ARID1B: variants seen among roughly 807,000 people sequenced by gnomAD.
The protein encoded by ARID1B is AT-rich interaction domain 1B.
Under a neutral mutation model 212.3 loss-of-function variants are expected in ARID1B, and 30 were observed. The observed-to-expected ratio is 0.14, with a 90% CI of 0.11 to 0.19. ARID1B has a LOEUF of 0.19. Ranked by LOEUF, ARID1B falls within the 10% of genes least tolerant of loss-of-function variation. ARID1B has a pLI of 1.00. For synonymous variants in ARID1B, 1,402 were observed against 1,301.7 expected, an observed-to-expected ratio of 1.08 and a Z score of -1.66; for missense variants, 2,891 against 3,204.0, an observed-to-expected ratio of 0.90 and a Z score of 2.36.
intron 3 of ARID1B, among the ~76,000 whole-genome samples, chr6:156,909,174 G>A (rs555695129): frequency 2.2e-4 from 29 of 132,180 alleles, no homozygotes; most frequent in Admixed American, 1.6e-3. Context: ...CGCCCAGGCT[G>A]GAGTGCAGTG....
intron 1 of ARID1B, among the ~76,000 whole-genome samples, chr6:156,807,484 G>A (rs1426352114): frequency 6.7e-6 from 1 of 149,936 alleles, no homozygotes; most frequent in Non-Finnish European, 1.5e-5. Flanking sequence ...TTACAGACAT[G>A]TAGTGCATTA....
chr6:157,058,282 T>G (rs112200986), intron 4 of ARID1B, among the ~76,000 whole-genome samples: 25 of 150,534 alleles, frequency 1.7e-4, no homozygotes, highest in African/African-American at 3.0e-4. Flanking sequence ...TTTTTTTTTT[T>G]GAGACGAAGT....
chr6:156,896,788 A>G (rs1050027756), intron 2 of ARID1B, among the ~76,000 whole-genome samples: 1 of 152,098 alleles, frequency 6.6e-6, no homozygotes, highest in Non-Finnish European at 1.5e-5. Context: ...CTGAAGCAGG[A>G]GAATCACTTG....
intron 4 of ARID1B, among the ~76,000 whole-genome samples, chr6:157,050,175 C>T (rs1481439527): frequency 6.6e-6 from 1 of 152,130 alleles, no homozygotes; most frequent in Non-Finnish European, 1.5e-5. Context: ...AAAGGAGCTC[C>T]ACTTTGTATA....
At chr6:157,045,086 T>G (rs1782142821) in intron 4 of ARID1B, among the ~76,000 whole-genome samples, 1 of 152,054 alleles carries the variant, frequency 6.6e-6, no homozygotes, top group Admixed American at 6.5e-5. Flanking sequence ...TCAGGTAGAG[T>G]GCTATAAAGC....
At chr6:157,128,482 G>A (rs991618254) in intron 6 of ARID1B, among the ~76,000 whole-genome samples, 9 of 152,144 alleles carry the variant, frequency 5.9e-5, no homozygotes, top group African/African-American at 2.2e-4. Flanking sequence ...CCAGGAGTTC[G>A]AGACCAGCCT....
At position 156,777,901 on chromosome 6, in the gene ARID1B, A is replaced by C. The variant is rs1222061446; in HGVS notation, c.221A>C (p.His74Pro). ...GGCGGCCTGAACAGTGTGCACCACC[A>C]CCCCCTGCTCCCCCGTCACGAACTC... Reference protein sequence around the residue: ...GGGGLNSVHHHPLLPRHELNM... With the variant: ...GGGGLNSVHHPPLLPRHELNM... Residue 74 changes from histidine to proline, a missense_variant, in exon 1 of 20, where the codon CAC becomes CCC. By Grantham distance (77) the His-to-Pro change is moderately conservative. Coordinates refer to ENST00000636930, the MANE Select transcript of ARID1B (RefSeq NM_001374828.1). 6.7e-6 allele frequency: 10 copies of C among 1,500,236 alleles called. No homozygotes were observed. In the Admixed American group the frequency reaches 2.2e-4, roughly 33 times the overall value. The allele number at this position is 1,500,236 out of a possible 1,614,324, so 92.9% of individuals were successfully genotyped here.
intron 1 of ARID1B, among the ~76,000 whole-genome samples, chr6:156,820,234 G>C (rs1053906132): frequency 6.6e-6 from 1 of 152,132 alleles, no homozygotes; most frequent in Non-Finnish European, 1.5e-5. Flanking sequence ...AGCTTTGTCT[G>C]CAGGGAGGGG....
intron 4 of ARID1B, among the ~76,000 whole-genome samples, chr6:157,075,758 C>G (rs575398145): frequency 1.5e-4 from 23 of 152,236 alleles, no homozygotes; most frequent in Non-Finnish European, 2.4e-4. Context: ...TATTTTCCCC[C>G]AAAATCTGTA....
chr6:156,817,783 CTGTT>C (rs1467222549), intron 1 of ARID1B, among the ~76,000 whole-genome samples: 2 of 152,144 alleles, frequency 1.3e-5, no homozygotes, highest in Admixed American at 6.5e-5. Context: ...ATTATTCTGT[CTGTT>C]CATCTATCCA....
intron 1 of ARID1B, among the ~76,000 whole-genome samples, chr6:156,806,185 C>T (rs374167358): frequency 1.2e-4 from 19 of 152,248 alleles, no homozygotes; most frequent in African/African-American, 3.6e-4. Flanking sequence ...TGGAAGGGTG[C>T]GTTGCCCAGG....
chr6:156,883,351 G>A (rs1787251521), intron 2 of ARID1B, among the ~76,000 whole-genome samples: 1 of 152,182 alleles, frequency 6.6e-6, no homozygotes, highest in African/African-American at 2.4e-5. Context: ...TTACTCCAGG[G>A]ACTTGGTGAT....
intron 2 of ARID1B, among the ~76,000 whole-genome samples, chr6:156,862,025 A>G (rs1224768746): frequency 6.6e-6 from 1 of 152,246 alleles, no homozygotes; most frequent in Non-Finnish European, 1.5e-5. Context: ...ATAGAGTTCA[A>G]GGAATCCAGG....
At chr6:157,170,113 G>T (rs925362494) in intron 9 of ARID1B, 3 of 152,114 alleles carry the variant, frequency 2.0e-5, no homozygotes, top group Non-Finnish European at 4.4e-5. Context: ...TCTTGAGGTG[G>T]GTCCAGGAAT....
intron 4 of ARID1B, among the ~76,000 whole-genome samples, chr6:157,030,685 G>A (rs1780964748): frequency 6.6e-6 from 1 of 152,244 alleles, no homozygotes; most frequent in African/African-American, 2.4e-5. Flanking sequence ...TCCTAGTGGA[G>A]GAGATCATGT....
intron 4 of ARID1B, among the ~76,000 whole-genome samples, chr6:156,956,065 A>G (rs1793957410): frequency 6.6e-6 from 1 of 152,136 alleles, no homozygotes; most frequent in Non-Finnish European, 1.5e-5. Context: ...AGTCTTTTCT[A>G]GGGATGTAAA....
chr6:157,070,969 G>C (rs755361166), intron 4 of ARID1B, among the ~76,000 whole-genome samples: 3 of 152,148 alleles, frequency 2.0e-5, no homozygotes, highest in Non-Finnish European at 4.4e-5. Flanking sequence ...GAGAAATCCT[G>C]CCGAGCCCTG....
intron 2 of ARID1B, among the ~76,000 whole-genome samples, chr6:156,893,125 C>T (rs1193039173): frequency 7.1e-6 from 1 of 141,442 alleles, no homozygotes; most frequent in East Asian, 2.0e-4. Context: ...TCACTGCAGC[C>T]TCCGCCTCCT....
chr6:156,833,175 A>G (rs554751234), intron 2 of ARID1B, among the ~76,000 whole-genome samples: 167 of 152,274 alleles, frequency 1.1e-3, no homozygotes, highest in African/African-American at 3.8e-3. Context: ...CAGAAGAGGC[A>G]TAATTTTTAA....
Sources: allele counts gnomAD v4.1 joint callset (sites outside exome capture counted in the v4.1 genomes callset), GRCh38; gene constraint gnomAD v4.1.1; transcripts MANE v1.5; gene names NCBI Gene and HGNC (gene_info 2026-07-23, HGNC 2026-07-21).